The following SEH1L variants were observed in gnomAD, a reference collection of about 807,000 sequenced individuals.
SEH1L encodes the protein nucleoporin SEH1.
In SEH1L, 18 loss-of-function variants were observed where a neutral mutation model predicts 49.5. The ratio of observed to expected loss-of-function variants is 0.36; its 90% CI spans 0.25 to 0.54. The LOEUF (loss-of-function observed/expected upper bound fraction) is 0.54, where lower values mean the gene tolerates loss of function less well. SEH1L is among the 20% of genes least tolerant of loss of function. The pLI is 0.87. For missense variants in SEH1L, 404 were observed against 528.8 expected (o/e 0.76, Z 2.31); for synonymous variants, 169 against 178.1 (o/e 0.95, Z 0.41).
chr18:12,953,074 G>C (rs1057446652), intron 2 of SEH1L, among the ~76,000 whole-genome samples: 3 of 152,170 alleles, frequency 2.0e-5, no homozygotes, highest in Non-Finnish European at 4.4e-5. Flanking sequence ...GAGCCACCAT[G>C]CCTGGCCTGG....
At chr18:12,948,300 G>A in intron 1 of SEH1L, 68 bp downstream of exon 1, 16 of 1,145,586 alleles carry the variant, frequency 1.4e-5, no homozygotes, top group Non-Finnish European at 2.1e-5. Context: ...GGCGGCGCGG[G>A]GAACGGGGCT....
In SEH1L at chr18:12,987,049, G is replaced by C. The variant is rs990826986; in HGVS notation, c.1258G>C (p.Gly420Arg). The C allele has an allele frequency of 6.2e-7, 1 of 1,601,064 alleles. No homozygotes were observed. The highest frequency in any genetic ancestry group is 8.5e-7 in the Non-Finnish European group (1 of 1,171,564). ...RPLNPLPENE[G>R]I The stretch of plus-strand genomic sequence containing the variant: ...TCTTAATCCCTTACCTGAGAATGAA[G>C]GGATTTAAAACACTGATTTAACATT... The change falls in exon 9 of 9, where the codon GGG (glycine) becomes CGG (arginine). Residue 420 changes from glycine to arginine, a missense_variant. Gly to Arg is a moderately radical substitution (Grantham distance 125). Around this residue, in one of 3 missense-constraint regions of SEH1L, gnomAD observed 342 missense variants for 430.8 expected, o/e 0.79. Coordinates refer to ENST00000399892, the MANE Select transcript of SEH1L (RefSeq NM_001013437.2).
chr18:12,984,403 C>G (rs2032389427), intron 8 of SEH1L, among the ~76,000 whole-genome samples: 1 of 152,212 alleles, frequency 6.6e-6, no homozygotes, highest in African/African-American at 2.4e-5. Context: ...ACATTATATT[C>G]TGAAGCTTTA....
chr18:12,952,687 C>G (rs751865021), intron 2 of SEH1L, among the ~76,000 whole-genome samples: 1 of 152,106 alleles, frequency 6.6e-6, no homozygotes, highest in Non-Finnish European at 1.5e-5. Context: ...CCACTCCAAG[C>G]CCCAGGCAAC....
At chr18:12,979,711 C>T (rs1266593253) in intron 6 of SEH1L, among the ~76,000 whole-genome samples, 15 of 147,974 alleles carry the variant, frequency 1.0e-4, no homozygotes, top group East Asian at 6.3e-4. Context: ...ACCCCCCCAC[C>T]TCCCTCCCGG....
intron 8 of SEH1L, chr18:12,986,356 T>G: frequency 1.0e-6 from 1 of 985,572 alleles, no homozygotes; most frequent in Non-Finnish European, 1.2e-6. Context: ...AAATAAGTGT[T>G]CAATGTTTGT....
At chr18:12,977,631 C>G (rs9958369) in intron 5 of SEH1L, 107,659 of 151,904 alleles carry the variant, frequency 0.71, 39,343 homozygotes, top group African/African-American at 0.89. Flanking sequence ...GGCTGAAGCA[C>G]GAGAATCACT....
chr18:12,979,738 GGC>G, intron 6 of SEH1L, among the ~76,000 whole-genome samples: 1 of 143,010 alleles, frequency 7.0e-6, no homozygotes, highest in African/African-American at 2.6e-5. Context: ...CGGCTGGCCG[GGC>G]GGGGGGCTGA....
At chr18:12,961,780 C>G (rs188689897) in intron 3 of SEH1L, among the ~76,000 whole-genome samples, 23 of 152,234 alleles carry the variant, frequency 1.5e-4, no homozygotes, top group African/African-American at 5.3e-4. Context: ...GATTCTCCTG[C>G]CTTAGCCTCT....
At chr18:12,962,392 A>G (rs1367259026) in intron 3 of SEH1L, among the ~76,000 whole-genome samples, 2 of 150,184 alleles carry the variant, frequency 1.3e-5, no homozygotes, top group African/African-American at 2.5e-5. Context: ...AAAAAAAAAT[A>G]ATAATAATAG....
At chr18:12,971,715 A>T (rs1480350452) in intron 5 of SEH1L, 1 of 153,912 alleles carries the variant, frequency 6.5e-6, no homozygotes, top group African/African-American at 2.4e-5. Flanking sequence ...ATAGTAAAAA[A>T]GGGTGATGAA....
intron 5 of SEH1L, chr18:12,977,207 A>C (rs8088313): frequency 0.71 from 107,743 of 152,132 alleles, 39,362 homozygotes; most frequent in African/African-American, 0.89. Flanking sequence ...AGGTCAAGTG[A>C]AGAATGCTGT....
At chr18:12,966,763 A>G (rs2031471092) in intron 4 of SEH1L, among the ~76,000 whole-genome samples, 1 of 152,168 alleles carries the variant, frequency 6.6e-6, no homozygotes, top group South Asian at 2.1e-4. Context: ...AATTGGGGAT[A>G]TCTTATGATC....
At chr18:12,966,325 C>T (rs1278956690) in intron 4 of SEH1L, among the ~76,000 whole-genome samples, 1 of 152,112 alleles carries the variant, frequency 6.6e-6, no homozygotes, top group Non-Finnish European at 1.5e-5. Flanking sequence ...CTCCTGAGCT[C>T]AGGTGATTTG....
At chr18:12,974,815 C>T (rs914399894) in intron 5 of SEH1L, among the ~76,000 whole-genome samples, 3 of 152,248 alleles carry the variant, frequency 2.0e-5, no homozygotes, top group East Asian at 3.9e-4. Context: ...TTTATTAACA[C>T]TGTTTTACAA....
chr18:12,986,162 AAATT>A lies in SEH1L; in HGVS notation c.1071-695_1071-692del, dbSNP rs1309652663. On this transcript the variant is annotated intron_variant, in intron 8 of 8. Coordinates refer to ENST00000399892, the MANE Select transcript of SEH1L (RefSeq NM_001013437.2). ...ATTTTCTTAATTTAGTTCGCTGTTT[AAATT>A]AATTCATGTCCTGTAAAGTTCTGAC... The A allele has an allele frequency of 3.0e-6, 3 of 984,688 alleles. No homozygotes were observed. In the African/African-American group the frequency reaches 5.3e-5, roughly 17 times the overall value. The allele number at this position is 984,688 out of a possible 1,614,324, so 61.0% of individuals were successfully genotyped here. A position where few individuals can be genotyped will look rare whatever the true frequency, so the allele number is the denominator to read the frequency against.
At chr18:12,982,485 T>G (rs2032310191) in intron 6 of SEH1L, 33 bp from the exon 7 acceptor site, 1 of 1,576,326 alleles carries the variant, frequency 6.3e-7, no homozygotes, top group East Asian at 2.2e-5. Flanking sequence ...AAACTTTGTT[T>G]GGAATGCCTC....
intron 2 of SEH1L, 86 bp from the exon 3 acceptor site, chr18:12,955,377 T>G: frequency 7.7e-7 from 1 of 1,306,686 alleles, no homozygotes; most frequent in Admixed American, 2.2e-5. Context: ...AACCAGTGTT[T>G]ATGAAATATG....
At chr18:12,975,294 C>T (rs1450781773) in intron 5 of SEH1L, among the ~76,000 whole-genome samples, 4 of 151,506 alleles carry the variant, frequency 2.6e-5, no homozygotes, top group Non-Finnish European at 4.4e-5. Flanking sequence ...GCCCAGCCAC[C>T]TTAATTAATT....
Sources: allele counts gnomAD v4.1 joint callset (sites outside exome capture counted in the v4.1 genomes callset), GRCh38; gene constraint gnomAD v4.1.1; regional missense constraint gnomAD v4.1.1; transcripts MANE v1.5; gene names NCBI Gene and HGNC (gene_info 2026-07-23, HGNC 2026-07-21).